The following ADAMTSL1 variants were observed in gnomAD, a reference collection of about 807,000 sequenced individuals.
ADAMTSL1 encodes ADAMTS like 1.
ADAMTSL1 carries 126 observed loss-of-function variants against 201.8 expected under a neutral mutation model. The ratio of observed to expected loss-of-function variants is 0.62; its 90% CI spans 0.54 to 0.72. ADAMTSL1 has a LOEUF of 0.72. Ranked by LOEUF, ADAMTSL1 falls within the 30% of genes least tolerant of loss-of-function variation. The pLI is 0.00. For missense variants in ADAMTSL1, 2,679 were observed against 2,277.8 expected (o/e 1.18, Z -3.59); for synonymous variants, 1,121 against 903.4 (o/e 1.24, Z -4.32).
intron 20 of ADAMTSL1, among the ~76,000 whole-genome samples, chr9:18,798,202 G>C (rs1286196676): frequency 6.6e-6 from 1 of 152,160 alleles, no homozygotes; most frequent in African/African-American, 2.4e-5. Context: ...ACCAGATGCA[G>C]GGAAATTTGT....
At chr9:18,435,410 T>G (rs1377070075) in intron 2 of ADAMTSL1, among the ~76,000 whole-genome samples, 1 of 152,194 alleles carries the variant, frequency 6.6e-6, no homozygotes, top group Admixed American at 6.5e-5. Flanking sequence ...AGTTGTATTC[T>G]AATGGGGAAA....
At chr9:18,829,280 C>G (rs1698860525) in intron 22 of ADAMTSL1, among the ~76,000 whole-genome samples, 1 of 152,150 alleles carries the variant, frequency 6.6e-6, no homozygotes. Context: ...TTATCTAGGT[C>G]CTACTTAGGC....
intron 2 of ADAMTSL1, among the ~76,000 whole-genome samples, chr9:18,242,299 C>G (rs1016143108): frequency 6.6e-6 from 1 of 152,026 alleles, no homozygotes; most frequent in Non-Finnish European, 1.5e-5. Context: ...AAGCATTCAA[C>G]AAAGTCAAAA....
At chr9:18,025,958 G>A (rs1416194685) in intron 1 of ADAMTSL1, among the ~76,000 whole-genome samples, 2 of 152,038 alleles carry the variant, frequency 1.3e-5, no homozygotes, top group East Asian at 3.9e-4. Context: ...TCCTTGTAGA[G>A]ATCATTCACC....
intron 2 of ADAMTSL1, among the ~76,000 whole-genome samples, chr9:18,299,531 CAG>C (rs570864633): frequency 2.8e-4 from 42 of 152,236 alleles, no homozygotes; most frequent in African/African-American, 1.0e-3. Flanking sequence ...AGAGAGATCT[CAG>C]GGAGAGAACA....
chr9:18,792,741 C>A (rs926801039), intron 19 of ADAMTSL1, among the ~76,000 whole-genome samples: 3 of 152,118 alleles, frequency 2.0e-5, no homozygotes, highest in Admixed American at 2.0e-4. Context: ...GCTTGAACAC[C>A]TGAAGAGACT....
intron 1 of ADAMTSL1, among the ~76,000 whole-genome samples, chr9:18,060,512 T>G (rs935749243): frequency 6.6e-6 from 1 of 152,174 alleles, no homozygotes; most frequent in Admixed American, 6.5e-5. Context: ...TGGGCAAGAC[T>G]AAACATAAAG....
chr9:18,030,828 A>G (rs901981807), intron 1 of ADAMTSL1, among the ~76,000 whole-genome samples: 1 of 152,064 alleles, frequency 6.6e-6, no homozygotes, highest in Non-Finnish European at 1.5e-5. Flanking sequence ...TCTTTACATA[A>G]TCCCATATTT....
At position 18,678,320 on chromosome 9, in the gene ADAMTSL1, A is replaced by G. The variant is rs571599115; in HGVS notation, c.1137-1992A>G. On this transcript the variant is annotated intron_variant, in intron 10 of 28. Transcript: ENST00000380548. ...TATTCCAAGCACTTACCTGGTTACC[A>G]TCTTCAGATCTCCTGACATGCTCTC... Among the ~76,000 whole-genome samples the G allele has an allele frequency of 1.4e-4, 22 of 152,110 alleles. 1 individual carries two copies. Among genetic ancestry groups the G allele is most frequent in the Non-Finnish European group, 2.9e-4 (20 of 67,970 alleles).
At chr9:18,060,475 T>C (rs749586605) in intron 1 of ADAMTSL1, among the ~76,000 whole-genome samples, 5 of 152,182 alleles carry the variant, frequency 3.3e-5, no homozygotes, top group African/African-American at 4.8e-5. Flanking sequence ...TGTATGATTA[T>C]CCTTCCAGCT....
intron 1 of ADAMTSL1, among the ~76,000 whole-genome samples, chr9:18,109,099 A>T (rs1458862921): frequency 6.6e-6 from 1 of 152,220 alleles, no homozygotes; most frequent in Non-Finnish European, 1.5e-5. Flanking sequence ...ATACATAGAC[A>T]TTAGAAGTTT....
chr9:18,674,494 A>G (rs561884390), intron 9 of ADAMTSL1, among the ~76,000 whole-genome samples: 34 of 151,438 alleles, frequency 2.2e-4, no homozygotes, highest in Non-Finnish European at 4.6e-4. Context: ...ACCTTTCATC[A>G]TCTCCAGCCA....
At position 18,696,624 on chromosome 9, in the gene ADAMTSL1, T is replaced by A. The variant is rs148038847; in HGVS notation, c.1575-10123T>A. 1.9e-3 allele frequency among the ~76,000 whole-genome samples: 282 copies of A among 152,168 alleles called. 1 individual carries two copies. The highest frequency in any genetic ancestry group is 0.012 in the East Asian group (61 of 5,164). On this transcript the variant is annotated intron_variant, in intron 13 of 28. Coordinates refer to ENST00000380548, the MANE Select transcript of ADAMTSL1 (RefSeq NM_001040272.6). ...AGAAAGACGATGTTATCTTCAGTGA[T>A]CAAGGTATGCGTGGCAGCCCATGGC...
intron 2 of ADAMTSL1, among the ~76,000 whole-genome samples, chr9:18,405,635 G>GA (rs71333041): frequency 0.098 from 10,498 of 107,450 alleles, 525 homozygotes; most frequent in African/African-American, 0.18. Context: ...ACAGAAGAAT[G>GA]AAAAAAAAAA....
intron 2 of ADAMTSL1, among the ~76,000 whole-genome samples, chr9:18,324,595 T>C (rs1834754387): frequency 6.6e-6 from 1 of 151,752 alleles, no homozygotes; most frequent in Non-Finnish European, 1.5e-5. Context: ...TGAAATCTCG[T>C]CTCTACTAAA....
intron 2 of ADAMTSL1, among the ~76,000 whole-genome samples, chr9:18,166,622 C>T (rs575582860): frequency 2.6e-5 from 4 of 151,984 alleles, no homozygotes; most frequent in African/African-American, 9.6e-5. Context: ...AATGTATCCC[C>T]AGCACATAGA....
rs1388394855 is a variant in ADAMTSL1 at position 18,133,912 on chromosome 9, C to T, written c.88-29950C>T. On this transcript the variant is annotated intron_variant, in intron 1 of 29. Transcript: ENST00000680146. ...TACAATATTACATCTCATTAGACCT[C>T]ATTCAACAAATACATAACTTCTTAT... Among the ~76,000 whole-genome samples the T allele has an allele frequency of 2.0e-5, 3 of 152,168 alleles. No homozygotes were observed. The South Asian group carries it at 6.2e-4, about 31-fold the overall frequency.
In ADAMTSL1 at chr9:18,211,758, G is replaced by A. The variant is rs568214182; in HGVS notation, c.207+47777G>A. Among the ~76,000 whole-genome samples, 168 of 152,254 alleles carry A rather than the reference G, an allele frequency of 1.1e-3. 2 individuals are homozygous for A. Among genetic ancestry groups the A allele is most frequent in the Admixed American group, 0.011 (167 of 15,292 alleles). On this transcript the variant is annotated intron_variant, in intron 2 of 29. Transcript: ENST00000680146. ...CTTCCATGTAATTTTATATTTATCT[G>A]TTTCCTTTACAAAACTTTGCACTTT...
intron 4 of ADAMTSL1, among the ~76,000 whole-genome samples, chr9:18,583,349 T>C (rs542975826): frequency 5.8e-4 from 89 of 152,294 alleles, no homozygotes; most frequent in Non-Finnish European, 1.1e-3. Context: ...AGCTTCCATG[T>C]GGTGTTGAGC....
Sources: gnomAD v4.1 joint callset for allele counts (sites outside exome capture counted in the v4.1 genomes callset) on GRCh38, gnomAD v4.1.1 for gene constraint, MANE v1.5 for transcripts, NCBI Gene and HGNC (gene_info 2026-07-23, HGNC 2026-07-21) for gene names.